YAP1: variants seen among roughly 807,000 people sequenced by gnomAD.
The protein encoded by YAP1 is transcriptional coactivator YAP1.
In YAP1, 5 loss-of-function variants were observed where a neutral mutation model predicts 56.9. The observed-to-expected ratio is 0.09, with a 90% confidence interval of 0.05 to 0.18. The LOEUF is 0.18. Ranked by LOEUF, YAP1 falls within the 10% of genes least tolerant of loss-of-function variation. YAP1 has a pLI of 1.00. For synonymous variants in YAP1, 265 were observed against 248.1 expected, an observed-to-expected ratio of 1.07 and a Z score of -0.64; for missense variants, 539 against 651.8, an observed-to-expected ratio of 0.83 and a Z score of 1.88.
intron 1 of YAP1, among the ~76,000 whole-genome samples, chr11:102,111,785 C>A (rs1260614985): frequency 1.3e-5 from 2 of 151,994 alleles, no homozygotes; most frequent in African/African-American, 2.4e-5. Context: ...GGGGTAGAAC[C>A]GGTCCATTTA....
intron 2 of YAP1, among the ~76,000 whole-genome samples, chr11:102,126,907 G>C (rs1336468460): frequency 6.6e-6 from 1 of 152,238 alleles, no homozygotes; most frequent in Non-Finnish European, 1.5e-5. Flanking sequence ...AACTGGACCA[G>C]AGGTGACTCT....
At chr11:102,188,951 T>C (rs1948133460) in intron 4 of YAP1, among the ~76,000 whole-genome samples, 1 of 152,206 alleles carries the variant, frequency 6.6e-6, no homozygotes, top group African/African-American at 2.4e-5. Context: ...AAGCTATTTC[T>C]TTAATATTTT....
chr11:102,218,470 A>T (rs1365288608), intron 6 of YAP1, among the ~76,000 whole-genome samples: 1 of 152,254 alleles, frequency 6.6e-6, no homozygotes, highest in East Asian at 1.9e-4. Flanking sequence ...GTACAGACAC[A>T]GCCTTCCATT....
chr11:102,142,032 T>C (rs1040879884), intron 2 of YAP1, among the ~76,000 whole-genome samples: 6 of 152,230 alleles, frequency 3.9e-5, no homozygotes, highest in African/African-American at 1.4e-4. Flanking sequence ...TGTGATAACA[T>C]TGTATTTGCA....
At position 102,229,853 on chromosome 11, in the gene YAP1, A is replaced by C; in HGVS notation, c.1428A>C (p.Glu476Asp). 1 of 1,614,158 alleles carries C rather than the reference A, an allele frequency of 6.2e-7. No individual in the cohort carries two copies. The highest frequency in any genetic ancestry group is 8.5e-7 in the Non-Finnish European group (1 of 1,179,996). Residue 476 changes from glutamate (E) to aspartate (D), a missense_variant, in exon 9 of 9, where the codon GAA becomes GAC. By Grantham distance (45) the Glu-to-Asp change is conservative (BLOSUM62 2). This residue lies in a region of YAP1 where 414 missense variants were observed against 512.4 expected (regional missense o/e 0.81). Coordinates refer to ENST00000282441, the MANE Select transcript of YAP1 (RefSeq NM_001130145.3). The stretch of plus-strand genomic sequence containing the variant: ...AGGAGCTGATGCCAAGTCTGCAGGA[A>C]GCTTTGAGTTCTGACATCCTTAATG... The part of the protein sequence containing the change: ...EGEELMPSLQ[E>D]ALSSDILNDM...
At chr11:102,121,971 A>G (rs550111359) in intron 2 of YAP1, among the ~76,000 whole-genome samples, 2 of 151,860 alleles carry the variant, frequency 1.3e-5, no homozygotes, top group African/African-American at 4.8e-5. Flanking sequence ...CTAATTTTTA[A>G]ATTTTTTGTA....
intron 3 of YAP1, among the ~76,000 whole-genome samples, chr11:102,171,952 G>A (rs1002691964): frequency 6.6e-6 from 1 of 152,070 alleles, no homozygotes; most frequent in African/African-American, 2.4e-5. Flanking sequence ...CACTTTGGGA[G>A]GCCGAGGCAG....
chr11:102,127,273 C>T (rs117392343), intron 2 of YAP1, among the ~76,000 whole-genome samples: 3,175 of 152,336 alleles, frequency 0.021, 50 homozygotes, highest in Non-Finnish European at 0.035. Flanking sequence ...GTCAGCCCCT[C>T]CCATCACAGG....
chr11:102,207,516 ACT>A (rs1415557092), intron 5 of YAP1, among the ~76,000 whole-genome samples: 1 of 149,882 alleles, frequency 6.7e-6, no homozygotes, highest in East Asian at 1.9e-4. Flanking sequence ...ACATGGCGAG[ACT>A]CTGTCTCTTA....
At chr11:102,123,314 T>C (rs1276670736) in intron 2 of YAP1, among the ~76,000 whole-genome samples, 1 of 152,168 alleles carries the variant, frequency 6.6e-6, no homozygotes, top group South Asian at 2.1e-4. Flanking sequence ...CCTTAGAGTC[T>C]TTTGTTTTCC....
chr11:102,162,608 T>C (rs761770072), intron 3 of YAP1, 37 bp downstream of exon 3: 2 of 1,582,928 alleles, frequency 1.3e-6, no homozygotes, highest in Admixed American at 1.7e-5. Flanking sequence ...CATGGAGTAA[T>C]GCTTACGCAT....
chr11:102,172,461 G>A (rs9326320), intron 3 of YAP1, among the ~76,000 whole-genome samples: 144,342 of 144,382 alleles, frequency 1, 72,151 homozygotes, highest in Middle Eastern at 1. Context: ...ACAGGCATAC[G>A]GCACCATGCA....
chr11:102,187,247 A>T (rs1948016936), intron 4 of YAP1, among the ~76,000 whole-genome samples: 1 of 152,186 alleles, frequency 6.6e-6, no homozygotes, highest in South Asian at 2.1e-4. Context: ...GTTTGCCCCA[A>T]ACTGACTGAA....
At chr11:102,176,065 A>T (rs1412969094) in intron 3 of YAP1, among the ~76,000 whole-genome samples, 2 of 152,222 alleles carry the variant, frequency 1.3e-5, no homozygotes, top group Non-Finnish European at 2.9e-5. Flanking sequence ...AAAACTGAAG[A>T]AGAATCAGAG....
intron 4 of YAP1, chr11:102,186,453 A>G (rs572108351): frequency 9.8e-6 from 3 of 306,904 alleles, no homozygotes; most frequent in Admixed American, 1.0e-4. Flanking sequence ...TTTAGCTGCA[A>G]TAATAATCAG....
chr11:102,128,644 C>G (rs1272878006), intron 2 of YAP1, among the ~76,000 whole-genome samples: 1 of 152,242 alleles, frequency 6.6e-6, no homozygotes, highest in East Asian at 1.9e-4. Flanking sequence ...GCTAGCTTAC[C>G]TTTTTGCATG....
At chr11:102,193,370 A>T (rs1948398737) in intron 4 of YAP1, among the ~76,000 whole-genome samples, 1 of 152,090 alleles carries the variant, frequency 6.6e-6, no homozygotes, top group Non-Finnish European at 1.5e-5. Flanking sequence ...AAAGTAAACA[A>T]CTTTAGTTGT....
chr11:102,157,254 A>G (rs1461144909), intron 2 of YAP1, among the ~76,000 whole-genome samples: 1 of 152,250 alleles, frequency 6.6e-6, no homozygotes, highest in Non-Finnish European at 1.5e-5. Context: ...GAGGTTCTAG[A>G]AATAGTCCAC....
rs57082707 is a variant in YAP1 at position 102,176,745 on chromosome 11, C to CAAAAAAAAAAAAAAAAAAAAAAAAAAAA, written c.689-9269_689-9242dup. On this transcript the variant is annotated intron_variant, in intron 3 of 8. Coordinates refer to ENST00000282441, the MANE Select transcript of YAP1 (RefSeq NM_001130145.3). ...TGGGCAACAGAGTAAGACTCCGTCTCAAAAAAAAAAAAAAAAAAAAAAAAA... is the reference window on the plus strand; with the variant it reads ...TGGGCAACAGAGTAAGACTCCGTCTCAAAAAAAAAAAAAAAAAAAAAAAAAAAAAAAAAAAAAAAAAAAAAAAAAAAAA... Among the ~76,000 whole-genome samples the CAAAAAAAAAAAAAAAAAAAAAAAAAAAA allele has an allele frequency of 1.8e-4, 8 of 45,510 alleles. 1 individual carries two copies. The highest frequency in any genetic ancestry group is 3.3e-4 in the Admixed American group (1 of 2,998). 29.9% of individuals were successfully genotyped at this position (45,510 alleles called of 152,430 possible). A position where few individuals can be genotyped will look rare whatever the true frequency, so the allele number is the denominator to read the frequency against.
Sources: gnomAD v4.1 joint callset for allele counts (sites outside exome capture counted in the v4.1 genomes callset) on GRCh38, gnomAD v4.1.1 for gene constraint, gnomAD v4.1.1 regional missense constraint, MANE v1.5 for transcripts, NCBI Gene and HGNC (gene_info 2026-07-23, HGNC 2026-07-21) for gene names.